The following XIRP2 variants were observed in gnomAD, a reference collection of about 807,000 sequenced individuals.
The protein encoded by XIRP2 is xin actin-binding repeat-containing protein 2.
XIRP2 carries 236 observed loss-of-function variants against 277.0 expected under a neutral mutation model. That is an observed-to-expected ratio of 0.85 (90% CI 0.77 to 0.95). The LOEUF (loss-of-function observed/expected upper bound fraction) is 0.95, where lower values mean the gene tolerates loss of function less well. XIRP2 is among the 40% of genes least tolerant of loss of function. The pLI is 0.00. For synonymous variants in XIRP2, 1,490 were observed against 1,416.5 expected, an observed-to-expected ratio of 1.05 and a Z score of -1.17; for missense variants, 4,640 against 4,157.5, an observed-to-expected ratio of 1.12 and a Z score of -3.19.
chr2:166,939,896 C>T (rs1287298787), intron 2 of XIRP2, among the ~76,000 whole-genome samples: 1 of 151,974 alleles, frequency 6.6e-6, no homozygotes, highest in East Asian at 1.9e-4. Flanking sequence ...CCTTCATTTC[C>T]ACCTTGGTGA....
intron 2 of XIRP2, among the ~76,000 whole-genome samples, chr2:166,923,446 C>T (rs1685106668): frequency 6.6e-6 from 1 of 152,058 alleles, no homozygotes; most frequent in Non-Finnish European, 1.5e-5. Context: ...ATGGACATTA[C>T]TAGTAAGTCC....
intron 2 of XIRP2, among the ~76,000 whole-genome samples, chr2:167,007,697 T>TCA (rs1279562385): frequency 0.018 from 2,171 of 120,824 alleles, 107 homozygotes; most frequent in Admixed American, 0.12. Context: ...TCTCTCTCTC[T>TCA]CTCTCTCACA....
intron 3 of XIRP2, among the ~76,000 whole-genome samples, chr2:167,169,853 G>A (rs940659834): frequency 6.6e-6 from 1 of 152,134 alleles, no homozygotes. Context: ...ATATGGTTAT[G>A]ATGGAATAAT....
intron 2 of XIRP2, among the ~76,000 whole-genome samples, chr2:167,102,938 A>G (rs1211663795): frequency 2.0e-5 from 3 of 152,200 alleles, no homozygotes; most frequent in Non-Finnish European, 4.4e-5. Context: ...CTGTCAGACA[A>G]AAGACTAATT....
At chr2:167,092,341 A>G (rs1004065622) in intron 2 of XIRP2, among the ~76,000 whole-genome samples, 3 of 152,086 alleles carry the variant, frequency 2.0e-5, no homozygotes, top group African/African-American at 7.2e-5. Context: ...TCCATCTGCA[A>G]GTGGTATTTT....
chr2:167,246,361 G>A lies in XIRP2; in HGVS notation c.4969G>A (p.Gly1657Ser). ...FHAEKEEIVK[G>S]DVQQAIKNLF... ...TGCTGAAAAAGAAGAGATAGTGAAAGGTGATGTACAACAAGCAATAAAAAA... is the reference window on the plus strand; with the variant it reads ...TGCTGAAAAAGAAGAGATAGTGAAAAGTGATGTACAACAAGCAATAAAAAA... Residue 1657 changes from glycine to serine, a missense_variant, in exon 9 of 11, where the codon GGT (glycine) becomes AGT (serine). Coordinates refer to ENST00000409195, the MANE Select transcript of XIRP2 (RefSeq NM_152381.6). 1 of 1,613,054 alleles carries A rather than the reference G, an allele frequency of 6.2e-7. No individual in the cohort carries two copies. Among genetic ancestry groups the A allele is most frequent in the Non-Finnish European group, 8.5e-7 (1 of 1,179,626 alleles).
chr2:167,057,331 A>G (rs1642897323), intron 2 of XIRP2, among the ~76,000 whole-genome samples: 1 of 146,086 alleles, frequency 6.8e-6, no homozygotes, highest in South Asian at 2.2e-4. Flanking sequence ...GGCATTTTTC[A>G]TGGGAGGAAA....
At chr2:167,099,342 A>G (rs1359892056) in intron 2 of XIRP2, among the ~76,000 whole-genome samples, 1 of 152,146 alleles carries the variant, frequency 6.6e-6, no homozygotes, top group African/African-American at 2.4e-5. Context: ...CAATAATGGC[A>G]GACACCCCTC....
At chr2:167,215,551 T>C (rs1694220201) in intron 4 of XIRP2, among the ~76,000 whole-genome samples, 1 of 152,172 alleles carries the variant, frequency 6.6e-6, no homozygotes, top group Non-Finnish European at 1.5e-5. Flanking sequence ...CTTATTTGGT[T>C]AAAGATCCAG....
intron 2 of XIRP2, among the ~76,000 whole-genome samples, chr2:167,132,013 C>T (rs1285024721): frequency 1.3e-5 from 2 of 152,040 alleles, no homozygotes; most frequent in Non-Finnish European, 2.9e-5. Flanking sequence ...CATTCTCTCT[C>T]TCCCCTCCTC....
chr2:166,997,448 AT>A (rs1455448183), intron 2 of XIRP2, among the ~76,000 whole-genome samples: 1 of 152,210 alleles, frequency 6.6e-6, no homozygotes, highest in Non-Finnish European at 1.5e-5. Context: ...AGAAAATCTG[AT>A]TCAGTGTATC....
At chr2:167,000,570 GA>G (rs1017095150) in intron 2 of XIRP2, among the ~76,000 whole-genome samples, 1 of 150,098 alleles carries the variant, frequency 6.7e-6, no homozygotes, top group African/African-American at 2.4e-5. Flanking sequence ...ATTCTTCCAA[GA>G]AAAAAAACAT....
intron 2 of XIRP2, among the ~76,000 whole-genome samples, chr2:167,009,248 G>A (rs951915248): frequency 7.3e-5 from 9 of 123,088 alleles, no homozygotes; most frequent in African/African-American, 2.9e-4. Flanking sequence ...AGAGTGTGAT[G>A]TTCCCCTTCC....
rs1340886996 is a variant in XIRP2, at chr2:167,249,079, CAGG to C, written c.7690_7692del (p.Glu2564del). 2 of 1,613,078 alleles carry C rather than the reference CAGG, an allele frequency of 1.2e-6. No individual in the cohort carries two copies. Among genetic ancestry groups the C allele is most frequent in the Non-Finnish European group, 1.7e-6 (2 of 1,179,684 alleles). On this transcript the variant is annotated inframe_deletion, in exon 9 of 11. Transcript: ENST00000409195. The stretch of plus-strand genomic sequence containing the variant: ...AAAAGAAGAAATTGAAAAACAGAAA[CAGG>C]AGAGTTCTTACTACAACATTGTTAA...
intron 2 of XIRP2, among the ~76,000 whole-genome samples, chr2:167,048,381 C>T (rs578230814): frequency 1.4e-4 from 21 of 152,072 alleles, no homozygotes; most frequent in Admixed American, 9.9e-4. Context: ...ATAGAGATCA[C>T]AGCTCTCTTT....
chr2:167,186,445 C>A (rs1230586814), intron 3 of XIRP2, among the ~76,000 whole-genome samples: 1 of 152,120 alleles, frequency 6.6e-6, no homozygotes, highest in Non-Finnish European at 1.5e-5. Context: ...AGCCAAAGGG[C>A]AATTTCCTTT....
At chr2:167,123,123 T>C (rs1385754475) in intron 2 of XIRP2, among the ~76,000 whole-genome samples, 2 of 152,196 alleles carry the variant, frequency 1.3e-5, no homozygotes, top group Non-Finnish European at 2.9e-5. Flanking sequence ...TGTGAAAATG[T>C]TTGCCTGTGG....
At chr2:167,212,262 T>C (rs535141228) in intron 4 of XIRP2, among the ~76,000 whole-genome samples, 1 of 152,170 alleles carries the variant, frequency 6.6e-6, no homozygotes, top group African/African-American at 2.4e-5. Context: ...TACTGGATCA[T>C]TGAGGAACTT....
At chr2:167,025,154 G>T (rs865927937) in intron 2 of XIRP2, among the ~76,000 whole-genome samples, 3 of 152,168 alleles carry the variant, frequency 2.0e-5, no homozygotes, top group African/African-American at 7.2e-5. Context: ...TCTATTCAGA[G>T]ATTCAACTTC....
Sources: gnomAD v4.1 joint callset for allele counts (sites outside exome capture counted in the v4.1 genomes callset) on GRCh38, gnomAD v4.1.1 for gene constraint, MANE v1.5 for transcripts, NCBI Gene and HGNC (gene_info 2026-07-23, HGNC 2026-07-21) for gene names.